The following DMPK variants were observed in gnomAD, a reference collection of about 807,000 sequenced individuals.
DMPK encodes the protein myotonin-protein kinase.
A neutral mutation model predicts 70.3 loss-of-function variants in DMPK; 32 were observed. The ratio of observed to expected loss-of-function variants is 0.46; its 90% CI spans 0.34 to 0.61. The LOEUF is 0.61. DMPK is among the 20% of genes least tolerant of loss of function. The probability of loss-of-function intolerance (pLI) is 0.01; values close to 1 mark genes in which losing one functional copy is unlikely to be tolerated. For missense variants in DMPK, 899 were observed against 886.0 expected (o/e 1.01, Z -0.19); for synonymous variants, 469 against 390.9 (o/e 1.20, Z -2.36).
rs1228015501 is a variant in DMPK at position 45,775,522 on chromosome 19, GT to G, written c.1147-489del. On this transcript the variant is annotated intron_variant, in intron 8 of 14. Coordinates refer to ENST00000291270, the MANE Select transcript of DMPK (RefSeq NM_004409.5). Reference sequence around the variant, plus strand: ...AAGCCACTGTGCCCAGCCCAGTTCTGTTTTTTTTTTTTAGATGGAGTCTTGC... The same window carrying G: ...AAGCCACTGTGCCCAGCCCAGTTCTGTTTTTTTTTTTAGATGGAGTCTTGC... 6.1e-4 allele frequency among the ~76,000 whole-genome samples: 58 copies of G among 95,166 alleles called. 2 individuals are homozygous for G. The highest frequency in any genetic ancestry group is 6.0e-4 in the Non-Finnish European group (27 of 45,126). The allele number at this position is 95,166 out of a possible 152,430, so 62.4% of individuals were successfully genotyped here. A position where few individuals can be genotyped will look rare whatever the true frequency, so the allele number is the denominator to read the frequency against.
Position 45,770,526 on chromosome 19 carries a change from C to G in DMPK, c.1852G>C (p.Ala618Pro). 6.4e-7 allele frequency: 1 copy of G among 1,550,612 alleles called. No individual in the cohort carries two copies. Among genetic ancestry groups the G allele is most frequent in the East Asian group, 2.4e-5 (1 of 40,916 alleles). Residue 618 changes from alanine (A) to proline (P), a missense_variant, in exon 15 of 15, where the codon GCA (alanine) becomes CCA (proline). Physicochemically the swap from Ala to Pro is conservative, Grantham distance 27 (BLOSUM62 -1). This residue lies in a region of DMPK where 555 missense variants were observed against 483.8 expected (regional missense o/e 1.15). Coordinates refer to ENST00000291270, the MANE Select transcript of DMPK (RefSeq NM_004409.5). ...GCGGCTCCTGGGCGGCGCCAGACTG[C>G]GGTGAGTTGGCCGGCGTGGGCCACC... ...GLVAHAGQLTAVWRRPGAARA... is the reference protein window; with the variant it reads ...GLVAHAGQLTPVWRRPGAARA...
At chr19:45,780,257 C>A in intron 1 of DMPK, 1 of 1,501,356 alleles carries the variant, frequency 6.7e-7, no homozygotes, top group Non-Finnish European at 8.9e-7. Context: ...CAGCCAGGGC[C>A]CCACCCCCAC....
rs1969707424 is a variant in DMPK, at chr19:45,775,097, C to T, written c.1147-63G>A. ...GGCGGGCCCCTCACTGCTTTTTGAT[C>T]TTGGCTTACATGTTCCCCCCAAACC... On this transcript the variant is annotated intron_variant, in intron 8 of 14. Transcript: ENST00000291270. The T allele has an allele frequency of 9.6e-6, 13 of 1,352,274 alleles. No homozygotes were observed. In the South Asian group the frequency reaches 1.2e-4, roughly 13 times the overall value. The allele number at this position is 1,352,274 out of a possible 1,614,324, so 83.8% of individuals were successfully genotyped here. A position where few individuals can be genotyped will look rare whatever the true frequency, so the allele number is the denominator to read the frequency against.
intron 1 of DMPK, among the ~76,000 whole-genome samples, chr19:45,781,167 G>A (rs142964084): frequency 9.2e-5 from 14 of 152,270 alleles, no homozygotes; most frequent in South Asian, 4.2e-4. Context: ...AGGGGAAGGC[G>A]GAGAAACAGG....
At chr19:45,772,614 C>A in intron 10 of DMPK, 27 bp downstream of exon 10, 1 of 1,474,432 alleles carries the variant, frequency 6.8e-7, no homozygotes, top group South Asian at 1.3e-5. Context: ...TTGTCCCTGA[C>A]GGACCCCCTC....
In DMPK at chr19:45,770,485, G is replaced by A. The variant is rs1377332020; in HGVS notation, c.*3C>T. 5 of 1,550,262 alleles carry A rather than the reference G, an allele frequency of 3.2e-6. No individual in the cohort carries two copies. The highest frequency in any genetic ancestry group is 1.4e-5 in the African/African-American group (1 of 73,172). ...GCCCCGGAGTCGAAGACAGTTCTAG[G>A]GTTCAGGGAGCGCGGGCGGCTCCTG... On this transcript the variant is annotated 3_prime_UTR_variant, in exon 15 of 15. Coordinates refer to ENST00000291270, the MANE Select transcript of DMPK (RefSeq NM_004409.5).
intron 9 of DMPK, among the ~76,000 whole-genome samples, chr19:45,773,544 A>C (rs1050008004): frequency 5.3e-5 from 8 of 152,192 alleles, no homozygotes; most frequent in African/African-American, 1.9e-4. Flanking sequence ...GTGTCAGTAC[A>C]CGTGTGAGCC....
In DMPK at chr19:45,777,161, G is replaced by GT. The variant is rs1555788249; in HGVS notation, c.1146+165dup. ...CTGCTCTGTGTTCCCCCACTGGACT[G>GT]TAAGTCTAGGTCACTGCTGGGTCCT... On this transcript the variant is annotated intron_variant, in intron 8 of 14. Transcript: ENST00000291270. The surrounding 1 kb of genome is among the most constrained non-coding windows in gnomAD (Gnocchi z 6.7). 7 of 962,168 alleles carry GT rather than the reference G, an allele frequency of 7.3e-6. No individual in the cohort carries two copies. Among genetic ancestry groups the GT allele is most frequent in the Admixed American group, 6.3e-5 (2 of 31,980 alleles). 59.6% of individuals were successfully genotyped at this position (962,168 alleles called of 1,614,324 possible). A position where few individuals can be genotyped will look rare whatever the true frequency, so the allele number is the denominator to read the frequency against.
chr19:45,771,146 T>TG, intron 13 of DMPK, 86 bp from the exon 14 acceptor site: 2 of 1,235,080 alleles, frequency 1.6e-6, no homozygotes, highest in Non-Finnish European at 1.1e-6. Context: ...GAATCGAGGT[T>TG]GGGGAGGTTA....
chr19:45,779,253 C>G lies in DMPK; in HGVS notation c.432+11G>C. The G allele has an allele frequency of 6.2e-7, 1 of 1,613,678 alleles. No individual in the cohort carries two copies. Among genetic ancestry groups the G allele is most frequent in the Non-Finnish European group, 8.5e-7 (1 of 1,179,706 alleles). On this transcript the variant is annotated intron_variant, in intron 4 of 14. Transcript: ENST00000291270. ...TGTCCCTCTTCCTAGTCACCCCGGC[C>G]CGGAGCTCACCAGGTAGTTCTCATC...
At chr19:45,780,141 G>C (rs1970038423) in intron 1 of DMPK, 3 of 1,437,816 alleles carry the variant, frequency 2.1e-6, no homozygotes, top group Non-Finnish European at 2.7e-6. Flanking sequence ...TGGTTAGGGT[G>C]GGGTAACGGA....
At position 45,779,607 on chromosome 19, in the gene DMPK, C is replaced by A. The variant is rs964179416; in HGVS notation, c.253-85G>T. 7 of 1,574,478 alleles carry A rather than the reference C, an allele frequency of 4.4e-6. No individual in the cohort carries two copies. The East Asian group carries it at 1.3e-4, about 30-fold the overall frequency. On this transcript the variant is annotated intron_variant, in intron 2 of 14. Transcript: ENST00000291270. Reference sequence around the variant, plus strand: ...ACCCAACTCCACCCGCTTCTGCACCCAGCCGTGGCCCCGCCCCACCTGCCA... The same window carrying A: ...ACCCAACTCCACCCGCTTCTGCACCAAGCCGTGGCCCCGCCCCACCTGCCA...
chr19:45,779,771 G>T lies in DMPK; in HGVS notation c.252+7C>A. On this transcript the variant is annotated splice_region_variant and intron_variant, in intron 2 of 14. Transcript: ENST00000291270. Reference sequence around the variant, plus strand: ...GTCAAGTCAGGCTCCCGCCCGGTTCGGCTTACCTCGCTGAACGCCCCGCGT... The same window carrying T: ...GTCAAGTCAGGCTCCCGCCCGGTTCTGCTTACCTCGCTGAACGCCCCGCGT... 5 of 1,551,302 alleles carry T rather than the reference G, an allele frequency of 3.2e-6. No homozygotes were observed. Among genetic ancestry groups the T allele is most frequent in the African/African-American group, 2.7e-5 (2 of 73,282 alleles).
chr19:45,771,852 G>A lies in DMPK; in HGVS notation c.1421C>T (p.Ala474Val). The A allele has an allele frequency of 6.3e-7, 1 of 1,578,428 alleles. No individual in the cohort carries two copies. The highest frequency in any genetic ancestry group is 1.2e-5 in the South Asian group (1 of 86,474). The change falls in exon 11 of 15, where the codon GCC becomes GTC. Residue 474 changes from alanine (A) to valine (V), a missense_variant. By Grantham distance (64) the Ala-to-Val change is moderately conservative. This residue lies in a region of DMPK where 555 missense variants were observed against 483.8 expected (regional missense o/e 1.15). Coordinates refer to ENST00000291270, the MANE Select transcript of DMPK (RefSeq NM_004409.5). ...AEVTLRELQE[A>V]LEEEVLTRQS... Reference sequence around the variant, plus strand: ...CCGGGTGAGCACCTCCTCCTCCAGGGCTTCCTGGAGCTCCCGCAGCGTCAC... The same window carrying A: ...CCGGGTGAGCACCTCCTCCTCCAGGACTTCCTGGAGCTCCCGCAGCGTCAC...
intron 1 of DMPK, chr19:45,780,176 G>A (rs1381008547): frequency 2.9e-5 from 42 of 1,440,488 alleles, no homozygotes; most frequent in Non-Finnish European, 3.7e-5. Context: ...AGACCCTAAA[G>A]AACAAGGGGA....
intron 10 of DMPK, among the ~76,000 whole-genome samples, chr19:45,772,136 A>T (rs572993435): frequency 4.0e-5 from 6 of 151,674 alleles, no homozygotes; most frequent in Non-Finnish European, 7.4e-5. Flanking sequence ...CTCTAAATCT[A>T]CACAGGGACC....
chr19:45,776,730 G>C (rs926288287), intron 8 of DMPK: 8 of 152,974 alleles, frequency 5.2e-5, no homozygotes, highest in African/African-American at 1.9e-4. Context: ...AAATTGCTGG[G>C]GTTACAGGCG....
chr19:45,782,104 G>GGCCCCCCCCA, intron 1 of DMPK, 89 bp downstream of exon 1: 1 of 722,488 alleles, frequency 1.4e-6, no homozygotes, highest in East Asian at 4.5e-5. Flanking sequence ...CTGCCATCCT[G>GGCCCCCCCCA]CCCCCCCAAC....
chr19:45,771,239 G>A lies in DMPK; in HGVS notation c.1647+111C>T, dbSNP rs751430456. ...GAATAAAGGGCTTCTGCCCTCTAAAGTCGCAAAGACGTAGGGTGAGCCCTA... is the reference window on the plus strand; with the variant it reads ...GAATAAAGGGCTTCTGCCCTCTAAAATCGCAAAGACGTAGGGTGAGCCCTA... On this transcript the variant is annotated intron_variant, in intron 13 of 14. Transcript: ENST00000291270. The A allele has an allele frequency of 5.6e-6, 8 of 1,427,076 alleles. No individual in the cohort carries two copies. In the South Asian group the frequency reaches 1.1e-4, roughly 19 times the overall value. The allele number at this position is 1,427,076 out of a possible 1,614,324, so 88.4% of individuals were successfully genotyped here.
Sources: allele counts gnomAD v4.1 joint callset (sites outside exome capture counted in the v4.1 genomes callset), GRCh38; gene constraint gnomAD v4.1.1; regional missense constraint gnomAD v4.1.1; non-coding constraint Gnocchi (gnomAD v3.1); transcripts MANE v1.5; gene names NCBI Gene and HGNC (gene_info 2026-07-23, HGNC 2026-07-21).